PLD5: variants seen among roughly 807,000 people sequenced by gnomAD.
The protein encoded by PLD5 is inactive phospholipase D5.
A neutral mutation model predicts 61.1 loss-of-function variants in PLD5; 36 were observed. The observed-to-expected ratio is 0.59, with a 90% CI of 0.45 to 0.78. The LOEUF (loss-of-function observed/expected upper bound fraction) is 0.78, where lower values mean the gene tolerates loss of function less well. Ranked by LOEUF, PLD5 falls within the 30% of genes least tolerant of loss-of-function variation. The pLI, the probability that PLD5 is intolerant of heterozygous loss-of-function variation, is 0.00. For synonymous variants in PLD5, 243 were observed against 242.8 expected (o/e 1.00, Z -0.01); for missense variants, 515 against 644.4 (o/e 0.80, Z 2.17).
intron 2 of PLD5, among the ~76,000 whole-genome samples, chr1:242,327,027 G>A (rs78009486): frequency 0.085 from 13,002 of 152,074 alleles, 706 homozygotes; most frequent in East Asian, 0.24. Flanking sequence ...CAGCATGCCT[G>A]GCTAATTTTT....
At chr1:242,123,869 G>A (rs926260145) in intron 6 of PLD5, among the ~76,000 whole-genome samples, 1 of 152,166 alleles carries the variant, frequency 6.6e-6, no homozygotes, top group Non-Finnish European at 1.5e-5. Flanking sequence ...GAAGGTGAGG[G>A]TGGGTGGAGG....
chr1:242,395,013 A>G (rs567700343), intron 1 of PLD5, among the ~76,000 whole-genome samples: 1 of 141,594 alleles, frequency 7.1e-6, no homozygotes, highest in African/African-American at 2.6e-5. Flanking sequence ...ATGAATATAT[A>G]TGAATATATA....
chr1:242,514,017 G>T (rs867525762), intron 1 of PLD5, among the ~76,000 whole-genome samples: 11 of 152,168 alleles, frequency 7.2e-5, no homozygotes, highest in African/African-American at 2.7e-4. Context: ...TAAAAAAGAT[G>T]CTACACTGGT....
intron 1 of PLD5, among the ~76,000 whole-genome samples, chr1:242,380,647 C>A (rs1662223946): frequency 6.6e-6 from 1 of 151,896 alleles, no homozygotes. Flanking sequence ...TGTAATCTAT[C>A]CATTTGACAA....
At chr1:242,399,817 C>T (rs1663819098) in intron 1 of PLD5, among the ~76,000 whole-genome samples, 1 of 152,140 alleles carries the variant, frequency 6.6e-6, no homozygotes, top group South Asian at 2.1e-4. Flanking sequence ...TACATTACCA[C>T]GGGAGCGCAA....
At chr1:242,240,719 G>A (rs899137709) in intron 4 of PLD5, among the ~76,000 whole-genome samples, 1 of 152,112 alleles carries the variant, frequency 6.6e-6, no homozygotes, top group Non-Finnish European at 1.5e-5. Context: ...GAGGGTGGAG[G>A]CAGCAGGACG....
intron 1 of PLD5, among the ~76,000 whole-genome samples, chr1:242,483,684 G>T (rs1367071280): frequency 6.6e-6 from 1 of 152,090 alleles, no homozygotes; most frequent in Non-Finnish European, 1.5e-5. Context: ...TCCAGGAATT[G>T]AACTCAGCTC....
At chr1:242,487,750 A>C (rs1464618644) in intron 1 of PLD5, among the ~76,000 whole-genome samples, 1 of 152,296 alleles carries the variant, frequency 6.6e-6, no homozygotes, top group East Asian at 1.9e-4. Context: ...ACCTCACTAA[A>C]GAAGGTATAC....
intron 2 of PLD5, among the ~76,000 whole-genome samples, chr1:242,298,563 A>G (rs930566689): frequency 6.6e-6 from 1 of 152,146 alleles, no homozygotes; most frequent in African/African-American, 2.4e-5. Flanking sequence ...CTTATCTTAG[A>G]GGGTATGCTA....
rs199583430 is a variant in PLD5 at position 242,144,263 on chromosome 1, T to A, written c.736-19598A>T. On this transcript the variant is annotated intron_variant, in intron 5 of 9. Coordinates refer to ENST00000536534, the MANE Select transcript of PLD5 (RefSeq NM_001372062.1). Reference sequence around the variant, plus strand: ...CCAGCCTCAAATTTTATTTTTTTTTTAAAATATTATTAAACAAACCAAAAT... The same window carrying A: ...CCAGCCTCAAATTTTATTTTTTTTTAAAAATATTATTAAACAAACCAAAAT... Among the ~76,000 whole-genome samples, 883 of 150,872 alleles carry A rather than the reference T, an allele frequency of 5.9e-3. 18 individuals are homozygous for A. The highest frequency in any genetic ancestry group is 0.058 in the East Asian group (298 of 5,126).
chr1:242,374,137 C>G (rs1045141070), intron 1 of PLD5, among the ~76,000 whole-genome samples: 5 of 152,098 alleles, frequency 3.3e-5, no homozygotes, highest in Non-Finnish European at 5.9e-5. Context: ...ATACATCTTC[C>G]TCTCTTTCAG....
In PLD5 at chr1:242,395,037, G is replaced by GTATATATGAATATATGAATA. The variant is rs1572058039; in HGVS notation, c.190-46796_190-46795insTATTCATATATTCATATATA. Among the ~76,000 whole-genome samples the GTATATATGAATATATGAATA allele has an allele frequency of 3.8e-4, 18 of 47,856 alleles. 1 individual carries two copies. Among genetic ancestry groups the GTATATATGAATATATGAATA allele is most frequent in the Admixed American group, 2.4e-3 (9 of 3,810 alleles). 31.4% of individuals were successfully genotyped at this position (47,856 alleles called of 152,430 possible). Reference sequence around the variant, plus strand: ...TATGAATATATATGTATATATGAATGTATATGTATATATGAATATATATGT... The same window carrying GTATATATGAATATATGAATA: ...TATGAATATATATGTATATATGAATGTATATATGAATATATGAATATATATGTATATATGAATATATATGT... On this transcript the variant is annotated intron_variant, in intron 1 of 9. Transcript: ENST00000536534.
At chr1:242,272,696 A>G (rs1674163556) in intron 3 of PLD5, among the ~76,000 whole-genome samples, 1 of 152,156 alleles carries the variant, frequency 6.6e-6, no homozygotes, top group Non-Finnish European at 1.5e-5. Flanking sequence ...CTAGAAAGCT[A>G]TGAATAGGTG....
chr1:242,280,148 T>G (rs1159793380), intron 3 of PLD5, among the ~76,000 whole-genome samples: 1 of 152,190 alleles, frequency 6.6e-6, no homozygotes, highest in African/African-American at 2.4e-5. Context: ...GGGTATAAAT[T>G]TATAAATCAG....
intron 4 of PLD5, chr1:242,235,626 A>G (rs1034405956): frequency 6.6e-6 from 1 of 152,206 alleles, no homozygotes; most frequent in Non-Finnish European, 1.5e-5. Flanking sequence ...ACACTTTAGA[A>G]GAATCAGGTT....
At chr1:242,119,854 A>G (rs374202708) in intron 6 of PLD5, among the ~76,000 whole-genome samples, 82 of 152,348 alleles carry the variant, frequency 5.4e-4, no homozygotes, top group African/African-American at 1.9e-3. Context: ...ACAGCTATTC[A>G]CATAAAAACC....
At chr1:242,104,002 T>C (rs901374718) in intron 8 of PLD5, among the ~76,000 whole-genome samples, 1 of 152,250 alleles carries the variant, frequency 6.6e-6, no homozygotes, top group African/African-American at 2.4e-5. Context: ...AAAAATAAAA[T>C]TTAAAATATC....
At chr1:242,508,559 A>G (rs1668803802) in intron 1 of PLD5, among the ~76,000 whole-genome samples, 1 of 152,176 alleles carries the variant, frequency 6.6e-6, no homozygotes, top group South Asian at 2.1e-4. Flanking sequence ...AGAGTACACT[A>G]AGGTCAGTAC....
chr1:242,400,652 G>A (rs917376264), intron 1 of PLD5, among the ~76,000 whole-genome samples: 3 of 152,080 alleles, frequency 2.0e-5, no homozygotes, highest in Admixed American at 1.3e-4. Context: ...GAAGCTTAGG[G>A]AGGGAGTGGC....
Sources: gnomAD v4.1 joint callset for allele counts (sites outside exome capture counted in the v4.1 genomes callset) on GRCh38, gnomAD v4.1.1 for gene constraint, MANE v1.5 for transcripts, NCBI Gene and HGNC (gene_info 2026-07-23, HGNC 2026-07-21) for gene names.